GRM5: variants seen among roughly 807,000 people sequenced by gnomAD.
GRM5 encodes glutamate metabotropic receptor 5, also known as metabotropic glutamate receptor 5.
Under a neutral mutation model 83.1 loss-of-function variants are expected in GRM5, and 19 were observed. The observed-to-expected ratio is 0.23, with a 90% CI of 0.16 to 0.34. GRM5 has a LOEUF of 0.34. GRM5 is among the 10% of genes least tolerant of loss of function. The pLI is 1.00. For missense variants in GRM5, 1,160 were observed against 1,588.3 expected, an observed-to-expected ratio of 0.73 and a Z score of 4.58; for synonymous variants, 675 against 633.6, an observed-to-expected ratio of 1.07 and a Z score of -0.98.
intron 3 of GRM5, among the ~76,000 whole-genome samples, chr11:88,677,937 C>A (rs1940377325): frequency 1.3e-5 from 2 of 151,890 alleles, no homozygotes; most frequent in South Asian, 2.1e-4. Flanking sequence ...CAGTTGGGCT[C>A]CACACATTTA....
At chr11:89,043,050 A>G (rs2135144224) in intron 2 of GRM5, among the ~76,000 whole-genome samples, 1 of 152,350 alleles carries the variant, frequency 6.6e-6, no homozygotes, top group African/African-American at 2.4e-5. Context: ...GGATTTTACA[A>G]TTAATCAAGG....
intron 3 of GRM5, among the ~76,000 whole-genome samples, chr11:88,718,230 A>G (rs1941442430): frequency 6.6e-6 from 1 of 151,906 alleles, no homozygotes; most frequent in Non-Finnish European, 1.5e-5. Context: ...ATTTGCCTGC[A>G]ATCACAAAAC....
chr11:88,794,964 T>A (rs975340687), intron 3 of GRM5, among the ~76,000 whole-genome samples: 1 of 152,218 alleles, frequency 6.6e-6, no homozygotes, highest in Non-Finnish European at 1.5e-5. Flanking sequence ...TCCTTCACGA[T>A]CTATTACATA....
intron 2 of GRM5, among the ~76,000 whole-genome samples, chr11:88,854,682 A>G (rs1453776533): frequency 1.3e-5 from 2 of 152,000 alleles, no homozygotes; most frequent in South Asian, 2.1e-4. Context: ...ATTGGGTACA[A>G]TGTTCACATC....
At chr11:88,776,847 C>T (rs1006774764) in intron 3 of GRM5, among the ~76,000 whole-genome samples, 6 of 152,150 alleles carry the variant, frequency 3.9e-5, no homozygotes, top group Non-Finnish European at 7.4e-5. Context: ...GGTAACTTGA[C>T]CTTTCTCTCT....
At chr11:88,950,031 A>AT (rs58554674) in intron 2 of GRM5, among the ~76,000 whole-genome samples, 404 of 139,580 alleles carry the variant, frequency 2.9e-3, no homozygotes, top group African/African-American at 5.5e-3. Context: ...AGCCTGGCTA[A>AT]TTTTTTTTTT....
intron 3 of GRM5, among the ~76,000 whole-genome samples, chr11:88,779,533 G>C (rs1942931283): frequency 6.6e-6 from 1 of 151,990 alleles, no homozygotes; most frequent in Non-Finnish European, 1.5e-5. Context: ...TTCAATAACA[G>C]AATTTTTTTC....
chr11:88,602,261 TA>T (rs1048109573), intron 5 of GRM5, among the ~76,000 whole-genome samples: 5 of 152,190 alleles, frequency 3.3e-5, no homozygotes, highest in African/African-American at 9.7e-5. Flanking sequence ...CATATTATGT[TA>T]GGGGCATTAT....
At chr11:88,913,722 G>T (rs1364499316) in intron 2 of GRM5, among the ~76,000 whole-genome samples, 1 of 151,394 alleles carries the variant, frequency 6.6e-6, no homozygotes, top group African/African-American at 2.4e-5. Context: ...AAATACATGA[G>T]ATTACCAGCA....
intron 6 of GRM5, among the ~76,000 whole-genome samples, chr11:88,593,202 C>A (rs1052147429): frequency 6.6e-6 from 1 of 152,112 alleles, no homozygotes; most frequent in African/African-American, 2.4e-5. Context: ...ACTAAGTTTA[C>A]AAACTCTGGA....
chr11:88,623,544 G>A (rs1938703468), intron 4 of GRM5, among the ~76,000 whole-genome samples: 1 of 152,164 alleles, frequency 6.6e-6, no homozygotes, highest in South Asian at 2.1e-4. Flanking sequence ...ATTTTACCTA[G>A]ATTATGGAAA....
chr11:89,046,373 A>ATT, intron 2 of GRM5, among the ~76,000 whole-genome samples: 1 of 148,154 alleles, frequency 6.7e-6, no homozygotes, highest in Non-Finnish European at 1.5e-5. Context: ...TAATATACAC[A>ATT]TTTTTTTTTT....
chr11:88,696,087 A>C (rs1940894357), intron 3 of GRM5, among the ~76,000 whole-genome samples: 1 of 152,120 alleles, frequency 6.6e-6, no homozygotes, highest in Admixed American at 6.5e-5. Flanking sequence ...ATAGATACAA[A>C]GTTTTATTAG....
At chr11:88,949,919 C>T (rs1379005034) in intron 2 of GRM5, among the ~76,000 whole-genome samples, 1 of 152,148 alleles carries the variant, frequency 6.6e-6, no homozygotes. Flanking sequence ...GGCTGGAGTG[C>T]AGTGGCACAG....
At chr11:88,662,310 C>G (rs1939928257) in intron 3 of GRM5, among the ~76,000 whole-genome samples, 1 of 152,128 alleles carries the variant, frequency 6.6e-6, no homozygotes, top group African/African-American at 2.4e-5. Flanking sequence ...AAAACTCCAG[C>G]ACATTTCATA....
At chr11:88,942,734 A>G (rs1037082695) in intron 2 of GRM5, among the ~76,000 whole-genome samples, 1 of 129,104 alleles carries the variant, frequency 7.7e-6, no homozygotes, top group East Asian at 2.4e-4. Flanking sequence ...CAGTGTTTAA[A>G]TTAAAAAAAA....
At chr11:88,631,554 T>C (rs1039046548) in intron 4 of GRM5, among the ~76,000 whole-genome samples, 2 of 152,190 alleles carry the variant, frequency 1.3e-5, no homozygotes, top group Non-Finnish European at 2.9e-5. Flanking sequence ...CTCTAAAATA[T>C]AATTATTGTC....
chr11:88,527,956 G>A (rs896338106), intron 8 of GRM5, among the ~76,000 whole-genome samples: 3 of 151,966 alleles, frequency 2.0e-5, no homozygotes, highest in African/African-American at 7.3e-5. Context: ...GGAGGAGAGT[G>A]AGGATCAAAA....
intron 8 of GRM5, among the ~76,000 whole-genome samples, chr11:88,548,106 T>C (rs1422645604): frequency 6.6e-6 from 1 of 152,208 alleles, no homozygotes; most frequent in East Asian, 1.9e-4. Context: ...GATATTCCTA[T>C]CTTTTTCTTG....
Sources: gnomAD v4.1 joint callset for allele counts (sites outside exome capture counted in the v4.1 genomes callset) on GRCh38, gnomAD v4.1.1 for gene constraint, MANE v1.5 for transcripts, NCBI Gene and HGNC (gene_info 2026-07-23, HGNC 2026-07-21) for gene names.